FARP1: variants seen among roughly 807,000 people sequenced by gnomAD.
FARP1 encodes the protein FERM, ARH/RhoGEF and pleckstrin domain protein 1.
In FARP1, 52 loss-of-function variants were observed where a neutral mutation model predicts 128.8. That is an observed-to-expected ratio of 0.40 (90% CI 0.32 to 0.51). The LOEUF is 0.51. FARP1 is among the 20% of genes least tolerant of loss of function. The pLI is 0.45. For synonymous variants in FARP1, 580 were observed against 551.8 expected (o/e 1.05, Z -0.72); for missense variants, 1,333 against 1,367.9 (o/e 0.97, Z 0.40).
intron 13 of FARP1, 36 bp from the exon 14 acceptor site, chr13:98,409,302 C>CTTTTTTTTTTTT: frequency 7.7e-7 from 1 of 1,299,574 alleles, no homozygotes; most frequent in Non-Finnish European, 1.0e-6. Flanking sequence ...AAAAAAATTA[C>CTTTTTTTTTTTT]TTTTTTTTTC....
intron 6 of FARP1, among the ~76,000 whole-genome samples, chr13:98,379,579 T>C (rs1889810598): frequency 6.6e-6 from 1 of 152,104 alleles, no homozygotes. Context: ...AGTTGTCCTT[T>C]AATGTCCATG....
chr13:98,234,338 T>G (rs1882302731), intron 2 of FARP1: 1 of 152,270 alleles, frequency 6.6e-6, no homozygotes, highest in Non-Finnish European at 1.5e-5. Context: ...TATAAGTAAG[T>G]GGCCTGTTGG....
rs200890628 is a variant in FARP1 at position 98,440,170 on chromosome 13, T to C, written c.2564T>C (p.Ile855Thr). 9.1e-5 allele frequency: 147 copies of C among 1,614,078 alleles called. No individual in the cohort carries two copies. In the Admixed American group the frequency reaches 2.1e-3, roughly 23 times the overall value. The change falls in exon 23 of 27, where the codon ATT becomes ACT. Residue 855 changes from isoleucine to threonine, a missense_variant. Ile to Thr is a moderately conservative substitution (Grantham distance 89). Transcript: ENST00000319562. The stretch of plus-strand genomic sequence containing the variant: ...TGGGTTGAGGACATCCAGATGGCCA[T>C]TGACCTGGCGGAGAAGAGCAGCAGC... ...EKWVEDIQMA[I>T]DLAEKSSSPA...
In FARP1 at chr13:98,176,867, T is replaced by G; in HGVS notation, c.-24+33375T>G. 3 of 1,609,106 alleles carry G rather than the reference T, an allele frequency of 1.9e-6. No individual in the cohort carries two copies. Among genetic ancestry groups the G allele is most frequent in the Non-Finnish European group, 2.5e-6 (3 of 1,179,932 alleles). Reference sequence around the variant, plus strand: ...TGGCTGCACTTGAGGATGGTCGGCGTATGGTGCTCCTTCTCGGTGTCCTGC... The same window carrying G: ...TGGCTGCACTTGAGGATGGTCGGCGGATGGTGCTCCTTCTCGGTGTCCTGC... On this transcript the variant is annotated intron_variant, in intron 1 of 26. Transcript: ENST00000319562. The surrounding 1 kb of genome is among the most constrained non-coding windows in gnomAD (Gnocchi z 6.2).
intron 1 of FARP1, among the ~76,000 whole-genome samples, chr13:98,183,893 C>T (rs1010659260): frequency 2.0e-5 from 3 of 152,216 alleles, no homozygotes; most frequent in Admixed American, 6.5e-5. Context: ...GTCCCCTTAG[C>T]GCCCTGGCTC....
intron 2 of FARP1, among the ~76,000 whole-genome samples, chr13:98,239,565 C>T (rs1431187948): frequency 1.3e-5 from 2 of 152,128 alleles, no homozygotes; most frequent in African/African-American, 4.8e-5. Flanking sequence ...AAGAACTGAT[C>T]TCCAGCATGA....
intron 6 of FARP1, 138 bp downstream of exon 6, chr13:98,378,056 G>GGTA (rs1889669117): frequency 1.6e-6 from 1 of 644,332 alleles, no homozygotes; most frequent in African/African-American, 1.8e-5. Context: ...GAAGGCCTAC[G>GGTA]GGTGGAAGAG....
At chr13:98,417,609 C>T (rs1011961982) in intron 16 of FARP1, among the ~76,000 whole-genome samples, 1 of 152,032 alleles carries the variant, frequency 6.6e-6, no homozygotes, top group Non-Finnish European at 1.5e-5. Context: ...GGAGGAAGTC[C>T]TGCAGGGGTA....
At position 98,176,408 on chromosome 13, in the gene FARP1, C is replaced by T. The variant is rs1157353582; in HGVS notation, c.-24+32916C>T. The T allele has an allele frequency of 1.9e-6, 3 of 1,614,194 alleles. No homozygotes were observed. The highest frequency in any genetic ancestry group is 2.2e-5 in the East Asian group (1 of 44,862). On this transcript the variant is annotated intron_variant, in intron 1 of 26. Coordinates refer to ENST00000319562, the MANE Select transcript of FARP1 (RefSeq NM_005766.4). The surrounding 1 kb of genome is among the most constrained non-coding windows in gnomAD (Gnocchi z 6.2). ...CGGAAGTGCTCCAGCGCGCAGCTCT[C>T]GCAGAAATAATGCCTGCACTTGGTG... is the stretch of plus-strand genomic sequence containing the variant.
intron 2 of FARP1, among the ~76,000 whole-genome samples, chr13:98,292,830 T>C (rs776409409): frequency 2.6e-5 from 4 of 152,198 alleles, no homozygotes; most frequent in Non-Finnish European, 5.9e-5. Flanking sequence ...AGCTCAAGTT[T>C]TGTACCCTTC....
chr13:98,385,725 A>G lies in FARP1; in HGVS notation c.670A>G (p.Met224Val), dbSNP rs1890069322. The G allele has an allele frequency of 1.2e-6, 2 of 1,614,170 alleles. No homozygotes were observed. Among genetic ancestry groups the G allele is most frequent in the Non-Finnish European group, 1.7e-6 (2 of 1,180,036 alleles). The change falls in exon 8 of 27, where the codon ATG becomes GTG. Residue 224 changes from methionine (M) to valine (V), a missense_variant. Physicochemically the swap from Met to Val is conservative, Grantham distance 21. Coordinates refer to ENST00000319562, the MANE Select transcript of FARP1 (RefSeq NM_005766.4). ...QLLEIARRLEMYGIRLHPAKD... is the reference protein window; with the variant it reads ...QLLEIARRLEVYGIRLHPAKD... ...CCTAGAGATTGCCCGTCGGCTAGAG[A>G]TGTATGGAATCCGGTTGCACCCGGC...
At chr13:98,232,149 T>TTTTTTG (rs1882163891) in intron 2 of FARP1, among the ~76,000 whole-genome samples, 1 of 146,300 alleles carries the variant, frequency 6.8e-6, no homozygotes, top group Middle Eastern at 3.5e-3. Context: ...TGGTTGGTTT[T>TTTTTTG]TTTTTTTTTT....
intron 2 of FARP1, among the ~76,000 whole-genome samples, chr13:98,330,754 C>CAA (rs58106642): frequency 0.015 from 2,137 of 147,090 alleles, 57 homozygotes; most frequent in African/African-American, 0.049. Context: ...GACTCCATCT[C>CAA]AAAAAAAAAA....
rs1270634050 is a variant in FARP1, at chr13:98,451,733, CA to C, written c.*3417del. ...GATGTCAATCATCAGCTTCAACAAA[CA>C]TAAAAGAATGCTTCATGTACCAGTC... On this transcript the variant is annotated 3_prime_UTR_variant, in exon 27 of 27. Coordinates refer to ENST00000319562, the MANE Select transcript of FARP1 (RefSeq NM_005766.4). 6.6e-6 allele frequency: 1 copy of C among 152,192 alleles called. No homozygotes were observed. Among genetic ancestry groups the C allele is most frequent in the African/African-American group, 2.4e-5 (1 of 41,436 alleles). The allele number at this position is 152,192 out of a possible 1,614,324, so 9.4% of individuals were successfully genotyped here.
intron 2 of FARP1, chr13:98,233,675 T>A (rs1386705214): frequency 6.6e-6 from 1 of 152,220 alleles, no homozygotes; most frequent in Non-Finnish European, 1.5e-5. Context: ...CACGTACTGC[T>A]CAATTCAATT....
intron 2 of FARP1, among the ~76,000 whole-genome samples, chr13:98,317,287 T>C (rs1005263988): frequency 6.6e-6 from 1 of 152,120 alleles, no homozygotes; most frequent in African/African-American, 2.4e-5. Flanking sequence ...AGAGCTGGGG[T>C]CTTGCGCTGT....
At chr13:98,341,381 C>G (rs1887967254) in intron 2 of FARP1, among the ~76,000 whole-genome samples, 1 of 152,154 alleles carries the variant, frequency 6.6e-6, no homozygotes, top group African/African-American at 2.4e-5. Flanking sequence ...CACCTGTAAT[C>G]CCAGCACTTT....
intron 1 of FARP1, among the ~76,000 whole-genome samples, chr13:98,197,131 T>A (rs1879609703): frequency 6.6e-6 from 1 of 152,234 alleles, no homozygotes; most frequent in Non-Finnish European, 1.5e-5. Flanking sequence ...CTGAATTTGG[T>A]AAGCTTTAGG....
intron 19 of FARP1, chr13:98,435,991 CTTATT>C (rs752020677): frequency 2.7e-6 from 1 of 376,230 alleles, no homozygotes; most frequent in Non-Finnish European, 5.3e-6. Flanking sequence ...TTTGAGATTG[CTTATT>C]TTATTTTTTT....
Sources: gnomAD v4.1 joint callset for allele counts (sites outside exome capture counted in the v4.1 genomes callset) on GRCh38, gnomAD v4.1.1 for gene constraint, Gnocchi (gnomAD v3.1) non-coding constraint, MANE v1.5 for transcripts, NCBI Gene and HGNC (gene_info 2026-07-23, HGNC 2026-07-21) for gene names.